GRK7: variants seen among roughly 807,000 people sequenced by gnomAD.
GRK7 encodes the protein rhodopsin kinase GRK7.
In GRK7, 24 loss-of-function variants were observed where a neutral mutation model predicts 34.1. The observed-to-expected ratio is 0.70, with a 90% CI of 0.51 to 0.99. The LOEUF (loss-of-function observed/expected upper bound fraction) is 0.99. Ranked by LOEUF, GRK7 falls within the 50% of genes least tolerant of loss-of-function variation. The probability of loss-of-function intolerance (pLI) is 0.00; values close to 1 mark genes in which losing one functional copy is unlikely to be tolerated. For missense variants in GRK7, 644 were observed against 707.3 expected (o/e 0.91, Z 1.02); for synonymous variants, 256 against 279.4 (o/e 0.92, Z 0.84).
chr3:141,775,396 TA>T (rs936087318), intron 2 of GRK7, among the ~76,000 whole-genome samples: 3 of 150,606 alleles, frequency 2.0e-5, no homozygotes, highest in African/African-American at 7.3e-5. Context: ...AGACCCTGTC[TA>T]AAAAAAAAGA....
chr3:141,777,405 A>G (rs1311804876), intron 2 of GRK7, among the ~76,000 whole-genome samples: 3 of 128,000 alleles, frequency 2.3e-5, no homozygotes, highest in Non-Finnish European at 4.7e-5. Flanking sequence ...GCTCACTGCA[A>G]GCTCCGCCTC....
intron 1 of GRK7, among the ~76,000 whole-genome samples, chr3:141,771,784 A>G (rs1016424169): frequency 2.0e-5 from 3 of 152,046 alleles, no homozygotes; most frequent in Admixed American, 1.3e-4. Context: ...TCCTGGGTTC[A>G]AGCAATTCTT....
intron 4 of GRK7, among the ~76,000 whole-genome samples, chr3:141,783,408 G>T (rs1022428824): frequency 2.0e-5 from 3 of 152,270 alleles, no homozygotes; most frequent in African/African-American, 4.8e-5. Context: ...TGAGGCAGGG[G>T]TGAAGGAGCG....
chr3:141,773,135 C>CA (rs11325742), intron 1 of GRK7, among the ~76,000 whole-genome samples: 10 of 113,196 alleles, frequency 8.8e-5, no homozygotes, highest in Non-Finnish European at 1.4e-4. Context: ...GACTTTGTCT[C>CA]AAAAAAAAAA....
At chr3:141,814,845 G>T (rs1237420174) in intron 5 of GRK7, among the ~76,000 whole-genome samples, 2 of 151,216 alleles carry the variant, frequency 1.3e-5, no homozygotes, top group African/African-American at 4.9e-5. Context: ...CATCAACAAT[G>T]TGTAAGCATT....
Position 141,790,725 on chromosome 3 carries a change from G to A in GRK7, c.1050+9914G>A, listed in dbSNP as rs142150971. 5.9e-5 allele frequency among the ~76,000 whole-genome samples: 9 copies of A among 152,152 alleles called. No individual in the cohort carries two copies. In the East Asian group the frequency reaches 1.5e-3, roughly 26 times the overall value. On this transcript the variant is annotated intron_variant, in intron 4 of 5. Transcript: ENST00000682958. Reference sequence around the variant, plus strand: ...ATTATAGGCACCCACCACCACACTCGGCTAATTTGTGTATTTTTAGTAGAG... The same window carrying A: ...ATTATAGGCACCCACCACCACACTCAGCTAATTTGTGTATTTTTAGTAGAG...
chr3:141,772,986 A>C (rs1239536694), intron 1 of GRK7, among the ~76,000 whole-genome samples: 1 of 151,956 alleles, frequency 6.6e-6, no homozygotes, highest in African/African-American at 2.4e-5. Context: ...AAATACAAAA[A>C]TTAGCTGGGT....
At chr3:141,790,067 T>C (rs1371439379) in intron 4 of GRK7, among the ~76,000 whole-genome samples, 1 of 152,212 alleles carries the variant, frequency 6.6e-6, no homozygotes, top group Non-Finnish European at 1.5e-5. Flanking sequence ...AGTGGCACGA[T>C]CTCAGCTCAC....
chr3:141,751,515 C>T, the GRK7 span, among the ~76,000 whole-genome samples: 1 of 152,118 alleles, frequency 6.6e-6, no homozygotes, highest in African/African-American at 2.4e-5. Flanking sequence ...AGCATTACAC[C>T]ATATGTGACT....
chr3:141,796,867 C>T (rs1017240442), intron 4 of GRK7, among the ~76,000 whole-genome samples: 5 of 152,130 alleles, frequency 3.3e-5, no homozygotes, highest in Non-Finnish European at 7.3e-5. Flanking sequence ...CAACCAGAAC[C>T]CAGGCATGGT....
In GRK7 at chr3:141,765,440, A is replaced by G. The variant is rs576418580; in HGVS notation, c.-513A>G. 6.6e-6 allele frequency among the ~76,000 whole-genome samples: 1 copy of G among 152,002 alleles called. No individual in the cohort carries two copies. ...ATTTTTCTTCACAGCACTTACCACC[A>G]TCTGTGGTGGGTTGGAAAACATGGC... On this transcript the variant is annotated 5_prime_UTR_variant, in exon 1 of 6. Transcript: ENST00000682958.
Position 141,816,815 on chromosome 3 carries a change from C to T in GRK7, c.1427C>T (p.Ser476Leu). ...LIEPPFVPDPSVVYAKDIAEI... is the reference protein window; with the variant it reads ...LIEPPFVPDPLVVYAKDIAEI... ...GAACCCCCATTTGTGCCAGACCCTT[C>T]AGTGGTTTATGCCAAAGACATCGCT... The change falls in exon 6 of 6, where the codon TCA becomes TTA. Residue 476 changes from serine to leucine, a missense_variant. Transcript: ENST00000682958. 1 of 1,612,596 alleles carries T rather than the reference C, an allele frequency of 6.2e-7. No homozygotes were observed. Among genetic ancestry groups the T allele is most frequent in the South Asian group, 1.1e-5 (1 of 90,938 alleles).
At chr3:141,777,508 TA>T (rs2084646150) in intron 2 of GRK7, among the ~76,000 whole-genome samples, 5 of 115,702 alleles carry the variant, frequency 4.3e-5, no homozygotes, top group South Asian at 3.0e-4. Flanking sequence ...TTTTTTTTTG[TA>T]TTTTTTTTAG....
At position 141,818,928 on chromosome 3, in the gene GRK7, C is replaced by T. The variant is rs960902404; in HGVS notation, c.*1878C>T. ...GTTGAGGCCTCGGCCGGTGCACCTGCGGCTCACTTTCCCGCTCCTCCTCCA... is the reference window on the plus strand; with the variant it reads ...GTTGAGGCCTCGGCCGGTGCACCTGTGGCTCACTTTCCCGCTCCTCCTCCA... On this transcript the variant is annotated 3_prime_UTR_variant, in exon 6 of 6. Transcript: ENST00000682958. 6.6e-6 allele frequency among the ~76,000 whole-genome samples: 1 copy of T among 152,188 alleles called. No homozygotes were observed. The highest frequency in any genetic ancestry group is 1.5e-5 in the Non-Finnish European group (1 of 68,032).
At position 141,764,103 on chromosome 3, in the gene GRK7, G is replaced by A. The variant is rs1467660991; in HGVS notation, c.-1850G>A. On this transcript the variant is annotated 5_prime_UTR_variant, in exon 1 of 6. Coordinates refer to ENST00000682958, the MANE Select transcript of GRK7 (RefSeq NM_139209.3). Reference sequence around the variant, plus strand: ...CTTCTTGCAGCCCCACAAATCACTCGCTGAGTTGCTAGCTCCCAGCTCTCC... The same window carrying A: ...CTTCTTGCAGCCCCACAAATCACTCACTGAGTTGCTAGCTCCCAGCTCTCC... Among the ~76,000 whole-genome samples, 3 of 152,014 alleles carry A rather than the reference G, an allele frequency of 2.0e-5. No individual in the cohort carries two copies. Among genetic ancestry groups the A allele is most frequent in the African/African-American group, 2.4e-5 (1 of 41,382 alleles).
At chr3:141,791,208 AG>A (rs940197428) in intron 4 of GRK7, among the ~76,000 whole-genome samples, 1 of 152,170 alleles carries the variant, frequency 6.6e-6, no homozygotes, top group African/African-American at 2.4e-5. Context: ...TGGGAGACAG[AG>A]GTTTGGTATT....
Position 141,778,615 on chromosome 3 carries a change from G to A in GRK7, c.331G>A (p.Ala111Thr). The A allele has an allele frequency of 6.2e-7, 1 of 1,612,240 alleles. No homozygotes were observed. The highest frequency in any genetic ancestry group is 8.5e-7 in the Non-Finnish European group (1 of 1,179,222). ...TKDSALQGLV[A>T]TCASAPAPGN... Reference sequence around the variant, plus strand: ...AGACAGCGCGCTGCAGGGGCTGGTGGCCACTTGTGCGAGTGCCCCTGCCCC... The same window carrying A: ...AGACAGCGCGCTGCAGGGGCTGGTGACCACTTGTGCGAGTGCCCCTGCCCC... The change falls in exon 3 of 6, where the codon GCC becomes ACC. Residue 111 changes from alanine (A) to threonine (T), a missense_variant. Transcript: ENST00000682958. This position sits in a 1 kb window ranked among gnomAD's most constrained non-coding sequence, Gnocchi z 4.1.
intron 1 of GRK7, among the ~76,000 whole-genome samples, 148 bp downstream of exon 1, chr3:141,765,886 C>A (rs934719545): frequency 6.6e-6 from 1 of 152,194 alleles, no homozygotes; most frequent in East Asian, 1.9e-4. Flanking sequence ...CTTACGAATT[C>A]TCTTTTATAC....
At chr3:141,814,395 G>T (rs950666242) in intron 5 of GRK7, among the ~76,000 whole-genome samples, 1 of 152,124 alleles carries the variant, frequency 6.6e-6, no homozygotes, top group African/African-American at 2.4e-5. Context: ...ACATCTAGTA[G>T]TCCCCTGTGT....
Sources: gnomAD v4.1 joint callset for allele counts (sites outside exome capture counted in the v4.1 genomes callset) on GRCh38, gnomAD v4.1.1 for gene constraint, Gnocchi (gnomAD v3.1) non-coding constraint, MANE v1.5 for transcripts, NCBI Gene and HGNC (gene_info 2026-07-23, HGNC 2026-07-21) for gene names.